The following TSNARE1 variants were observed in gnomAD, a reference collection of about 807,000 sequenced individuals.
The protein encoded by TSNARE1 is t-SNARE domain containing 1.
TSNARE1 carries 49 observed loss-of-function variants against 62.0 expected under a neutral mutation model. The ratio of observed to expected loss-of-function variants is 0.79; its 90% CI spans 0.63 to 1.00. The LOEUF is 1.00. Among genes scored for constraint, TSNARE1 ranks in the 50% least tolerant of loss-of-function variants. The pLI, the probability that TSNARE1 is intolerant of heterozygous loss-of-function variation, is 0.00. For missense variants in TSNARE1, 755 were observed against 700.1 expected (o/e 1.08, Z -0.88); for synonymous variants, 328 against 294.4 (o/e 1.11, Z -1.17).
rs76018384 is a variant in TSNARE1 at position 142,319,277 on chromosome 8, G to A, written c.894-643C>T. 1.4e-3 allele frequency among the ~76,000 whole-genome samples: 220 copies of A among 152,162 alleles called. 1 individual carries two copies. The highest frequency in any genetic ancestry group is 4.4e-3 in the South Asian group (21 of 4,814). On this transcript the variant is annotated intron_variant, in intron 6 of 13. Transcript: ENST00000524325. The surrounding 1 kb of genome is among the most constrained non-coding windows in gnomAD (Gnocchi z 4.9). The stretch of plus-strand genomic sequence containing the variant: ...CCAGCAGGAGAATCAGGGCAAGAGC[G>A]CCATGGCCCAGGGAGGCCAGCAGTC...
chr8:142,341,580 A>G (rs1349641755), intron 4 of TSNARE1, among the ~76,000 whole-genome samples: 2 of 152,176 alleles, frequency 1.3e-5, no homozygotes, highest in Non-Finnish European at 2.9e-5. Flanking sequence ...GGTCTTGGAC[A>G]CAGGCTAGGA....
intron 10 of TSNARE1, chr8:142,300,128 T>A (rs1331602075): frequency 1.6e-5 from 3 of 187,232 alleles, no homozygotes; most frequent in Non-Finnish European, 3.3e-5. Flanking sequence ...AAGCACCAAA[T>A]CATCTTCATT....
intron 9 of TSNARE1, among the ~76,000 whole-genome samples, chr8:142,301,111 C>T (rs1326955631): frequency 2.0e-5 from 3 of 151,318 alleles, no homozygotes; most frequent in Admixed American, 6.6e-5. Context: ...CCTGCCCATG[C>T]CAGCAGGCCT....
intron 9 of TSNARE1, among the ~76,000 whole-genome samples, chr8:142,311,781 T>C (rs137950701): frequency 5.1e-4 from 78 of 152,312 alleles, no homozygotes; most frequent in African/African-American, 1.8e-3. Context: ...ATTTTTTCTT[T>C]TGCATTTCAA....
At chr8:142,256,106 CCACCAT>C (rs1346933820) in intron 12 of TSNARE1, among the ~76,000 whole-genome samples, 4 of 120,094 alleles carry the variant, frequency 3.3e-5, no homozygotes, top group African/African-American at 9.5e-5. Flanking sequence ...AGCATCACCA[CCACCAT>C]CACCATCACC....
At chr8:142,385,306 T>G (rs1216363587) in intron 1 of TSNARE1, among the ~76,000 whole-genome samples, 1 of 152,140 alleles carries the variant, frequency 6.6e-6, no homozygotes, top group Non-Finnish European at 1.5e-5. Flanking sequence ...AGCCACAGCT[T>G]TGAATATGCA....
intron 11 of TSNARE1, chr8:142,276,343 A>G (rs571214706): frequency 1.0e-6 from 1 of 985,468 alleles, no homozygotes; most frequent in Middle Eastern, 5.2e-4. Flanking sequence ...AGAGGGAAGG[A>G]AGATGGGGCC....
Position 142,271,074 on chromosome 8 carries a change from C to A in TSNARE1, c.1446+3707G>T, listed in dbSNP as rs1299418417. The A allele has an allele frequency of 8.1e-6, 8 of 985,950 alleles. No individual in the cohort carries two copies. In the African/African-American group the frequency reaches 1.2e-4, roughly 15 times the overall value. The allele number at this position is 985,950 out of a possible 1,614,324, so 61.1% of individuals were successfully genotyped here. On this transcript the variant is annotated intron_variant, in intron 12 of 13. Coordinates refer to ENST00000524325, the MANE Select transcript of TSNARE1 (RefSeq NM_145003.5). ...CTCCTGCCCTTTGGCTCTGCCAGCA[C>A]CCCCGACCAGCCCTATATCTCCTCC...
At chr8:142,297,237 G>C (rs1163487377) in intron 10 of TSNARE1, among the ~76,000 whole-genome samples, 1 of 152,232 alleles carries the variant, frequency 6.6e-6, no homozygotes, top group Admixed American at 6.5e-5. Flanking sequence ...GTGGCCATCT[G>C]TCCCAGTGGA....
chr8:142,333,035 C>T (rs548297056), intron 4 of TSNARE1, among the ~76,000 whole-genome samples: 2 of 152,294 alleles, frequency 1.3e-5, no homozygotes, highest in East Asian at 1.9e-4. Context: ...CCAGAGCGAA[C>T]GGGGCGAAGG....
intron 11 of TSNARE1, chr8:142,278,204 G>GCCAACCCTGTGGCTC (rs1820812498): frequency 1.0e-6 from 1 of 985,298 alleles, no homozygotes; most frequent in African/African-American, 1.7e-5. Context: ...TCCAAGCCCA[G>GCCAACCCTGTGGCTC]CCACAGGGTT....
intron 6 of TSNARE1, among the ~76,000 whole-genome samples, chr8:142,324,655 A>G (rs2131848889): frequency 6.6e-6 from 1 of 152,368 alleles, no homozygotes; most frequent in South Asian, 2.1e-4. Context: ...ACGAAGACAC[A>G]AGGCCCTGAG....
At chr8:142,224,280 C>T (rs1206433571) in intron 13 of TSNARE1, among the ~76,000 whole-genome samples, 3 of 152,170 alleles carry the variant, frequency 2.0e-5, no homozygotes, top group Admixed American at 1.3e-4. Flanking sequence ...GTGCGGCAGG[C>T]GGGCTTTGCC....
chr8:142,286,496 G>A (rs77702622), intron 10 of TSNARE1, among the ~76,000 whole-genome samples: 6,038 of 152,328 alleles, frequency 0.04, 181 homozygotes, highest in Non-Finnish European at 0.062. Context: ...ACTGGGCAGT[G>A]GCTGGGAAGG....
At chr8:142,234,186 C>G (rs746210685) in intron 12 of TSNARE1, among the ~76,000 whole-genome samples, 1 of 151,996 alleles carries the variant, frequency 6.6e-6, no homozygotes, top group African/African-American at 2.4e-5. Flanking sequence ...AGGGAAGGTT[C>G]CAAGATGGCG....
intron 1 of TSNARE1, among the ~76,000 whole-genome samples, chr8:142,357,167 G>T (rs578230670): frequency 6.6e-6 from 1 of 152,220 alleles, no homozygotes; most frequent in Non-Finnish European, 1.5e-5. Context: ...GAAGAGAATC[G>T]TCAGGAACAG....
At position 142,380,892 on chromosome 8, in the gene TSNARE1, G is replaced by C. The variant is rs116862452; in HGVS notation, c.-40+22212C>G. On this transcript the variant is annotated intron_variant, in intron 1 of 13. Transcript: ENST00000524325. Reference sequence around the variant, plus strand: ...AAAGTCCTTTTAAGAAATAATAAAGGGGGGGGAATGCTGCAAAATCTTCCA... The same window carrying C: ...AAAGTCCTTTTAAGAAATAATAAAGCGGGGGGAATGCTGCAAAATCTTCCA... 7.8e-3 allele frequency among the ~76,000 whole-genome samples: 1,182 copies of C among 151,954 alleles called. 26 individuals are homozygous for C. The highest frequency in any genetic ancestry group is 0.075 in the South Asian group (360 of 4,798).
intron 1 of TSNARE1, among the ~76,000 whole-genome samples, chr8:142,365,633 CAGAG>C (rs56823056): frequency 0.01 from 1,443 of 138,586 alleles, 21 homozygotes; most frequent in East Asian, 0.053. Flanking sequence ...CACACACACA[CAGAG>C]AGAGAGAGGG....
intron 1 of TSNARE1, among the ~76,000 whole-genome samples, chr8:142,371,690 A>G (rs986273065): frequency 1.3e-5 from 2 of 152,128 alleles, no homozygotes; most frequent in African/African-American, 4.8e-5. Flanking sequence ...CCAGGGGTGG[A>G]TACACCTGCA....
Sources: gnomAD v4.1 joint callset for allele counts (sites outside exome capture counted in the v4.1 genomes callset) on GRCh38, gnomAD v4.1.1 for gene constraint, Gnocchi (gnomAD v3.1) non-coding constraint, MANE v1.5 for transcripts, NCBI Gene and HGNC (gene_info 2026-07-23, HGNC 2026-07-21) for gene names.